The following GPR158 variants were observed in gnomAD, a reference collection of about 807,000 sequenced individuals.
GPR158 encodes G protein-coupled receptor 158.
GPR158 carries 30 observed loss-of-function variants against 78.2 expected under a neutral mutation model. That is an observed-to-expected ratio of 0.38 (90% CI 0.29 to 0.52). The LOEUF (loss-of-function observed/expected upper bound fraction) is 0.52. GPR158 is among the 20% of genes least tolerant of loss of function. The pLI is 0.83. For synonymous variants in GPR158, 581 were observed against 591.1 expected (o/e 0.98, Z 0.25); for missense variants, 1,463 against 1,523.5 (o/e 0.96, Z 0.66).
At chr10:25,492,413 C>A (rs28402734) in intron 5 of GPR158, among the ~76,000 whole-genome samples, 1 of 150,448 alleles carries the variant, frequency 6.6e-6, no homozygotes, top group Non-Finnish European at 1.5e-5. Context: ...TTTTCTTTTT[C>A]TTTTTTTTTG....
At chr10:25,544,910 A>G (rs939337654) in intron 5 of GPR158, among the ~76,000 whole-genome samples, 3 of 152,170 alleles carry the variant, frequency 2.0e-5, no homozygotes, top group Middle Eastern at 3.4e-3. Context: ...CTCTGTGTCC[A>G]TGTGTTCTCA....
intron 2 of GPR158, among the ~76,000 whole-genome samples, chr10:25,351,000 A>G (rs1855451709): frequency 1.3e-5 from 2 of 151,992 alleles, no homozygotes; most frequent in African/African-American, 4.8e-5. Flanking sequence ...TATAATAAAA[A>G]TGCAACCAAA....
chr10:25,406,763 A>G (rs1045944332), intron 3 of GPR158, among the ~76,000 whole-genome samples: 7 of 152,156 alleles, frequency 4.6e-5, no homozygotes, highest in African/African-American at 1.7e-4. Flanking sequence ...CCAGTTTACA[A>G]AACTGTATTT....
intron 2 of GPR158, among the ~76,000 whole-genome samples, chr10:25,293,377 A>T (rs1319135370): frequency 6.6e-6 from 1 of 152,218 alleles, no homozygotes; most frequent in African/African-American, 2.4e-5. Flanking sequence ...TAGGCTAAGC[A>T]TGTTTTAAAT....
intron 2 of GPR158, among the ~76,000 whole-genome samples, chr10:25,284,378 C>G (rs1410954510): frequency 6.6e-6 from 1 of 151,872 alleles, no homozygotes; most frequent in African/African-American, 2.4e-5. Context: ...TGTAATGTCT[C>G]TCTTTATGTA....
At chr10:25,410,878 A>G in intron 3 of GPR158, among the ~76,000 whole-genome samples, 1 of 152,202 alleles carries the variant, frequency 6.6e-6, no homozygotes, top group East Asian at 1.9e-4. Context: ...TGAGGAAACA[A>G]AGCAGACAAA....
intron 5 of GPR158, among the ~76,000 whole-genome samples, chr10:25,526,022 C>T (rs933958689): frequency 1.4e-5 from 2 of 144,352 alleles, no homozygotes; most frequent in East Asian, 4.2e-4. Context: ...AGGAGAGTTG[C>T]TTGAACCTGG....
intron 4 of GPR158, among the ~76,000 whole-genome samples, chr10:25,443,607 A>G (rs1430457305): frequency 6.9e-6 from 1 of 145,368 alleles, no homozygotes; most frequent in Non-Finnish European, 1.5e-5. Context: ...TCATCTCCCT[A>G]TATTACTAAG....
At chr10:25,243,628 T>C (rs1853653867) in intron 2 of GPR158, among the ~76,000 whole-genome samples, 1 of 152,214 alleles carries the variant, frequency 6.6e-6, no homozygotes, top group East Asian at 1.9e-4. Flanking sequence ...TAATATAAGT[T>C]CTCATAGCAT....
chr10:25,585,838 G>T (rs1026846495), intron 7 of GPR158, among the ~76,000 whole-genome samples: 2 of 152,094 alleles, frequency 1.3e-5, no homozygotes, highest in African/African-American at 4.8e-5. Flanking sequence ...AATTAACCAG[G>T]CATGGTGGCT....
chr10:25,414,263 T>C (rs1014880908), intron 4 of GPR158, among the ~76,000 whole-genome samples: 2 of 152,308 alleles, frequency 1.3e-5, no homozygotes, highest in Non-Finnish European at 1.5e-5. Context: ...TTGCCGGTTA[T>C]TAAACCTTGC....
chr10:25,208,604 G>C (rs899237641), intron 1 of GPR158, among the ~76,000 whole-genome samples: 70 of 132,958 alleles, frequency 5.3e-4, no homozygotes, highest in African/African-American at 1.8e-3. Context: ...GTGTGTGTGT[G>C]TATTAGAATT....
At chr10:25,474,708 C>G (rs1835557524) in intron 5 of GPR158, among the ~76,000 whole-genome samples, 1 of 152,024 alleles carries the variant, frequency 6.6e-6, no homozygotes, top group East Asian at 1.9e-4. Context: ...AGCAATTAGC[C>G]CAGTGCCTGT....
chr10:25,283,121 G>T (rs907433513), intron 2 of GPR158, among the ~76,000 whole-genome samples: 3 of 151,950 alleles, frequency 2.0e-5, no homozygotes, highest in African/African-American at 7.2e-5. Flanking sequence ...ATTCCAGAGT[G>T]AAATCATTTA....
chr10:25,323,618 C>T (rs1464563556), intron 2 of GPR158, among the ~76,000 whole-genome samples: 1 of 151,762 alleles, frequency 6.6e-6, no homozygotes, highest in African/African-American at 2.4e-5. Flanking sequence ...CCTTGATCTC[C>T]TGGGCTCAAG....
rs553994052 is a variant in GPR158, at chr10:25,600,264, T to A, written c.*990T>A. On this transcript the variant is annotated 3_prime_UTR_variant, in exon 11 of 11. Coordinates refer to ENST00000376351, the MANE Select transcript of GPR158 (RefSeq NM_020752.3). The stretch of plus-strand genomic sequence containing the variant: ...AGATAGATAACGCCTTCATTCCAAT[T>A]AATTGTCCCTTTTAACTCTTTCAGT... 3.3e-5 allele frequency: 5 copies of A among 152,710 alleles called. No homozygotes were observed. In the South Asian group the frequency reaches 1.0e-3, roughly 32 times the overall value. 9.5% of individuals were successfully genotyped at this position (152,710 alleles called of 1,614,324 possible). A position where few individuals can be genotyped will look rare whatever the true frequency, so the allele number is the denominator to read the frequency against.
intron 1 of GPR158, among the ~76,000 whole-genome samples, chr10:25,215,044 A>C (rs1045369781): frequency 1.3e-5 from 2 of 152,156 alleles, no homozygotes; most frequent in Non-Finnish European, 1.5e-5. Context: ...ATTTCTTCTA[A>C]ATTTTGTTAA....
intron 1 of GPR158, among the ~76,000 whole-genome samples, chr10:25,198,227 T>C (rs926966969): frequency 3.9e-5 from 6 of 152,336 alleles, no homozygotes; most frequent in East Asian, 1.9e-4. Flanking sequence ...ATCAAACTTA[T>C]ATTTTGCAAC....
chr10:25,476,384 G>GTTTTTTT (rs56271781), intron 5 of GPR158, among the ~76,000 whole-genome samples: 1 of 144,436 alleles, frequency 6.9e-6, no homozygotes, highest in Non-Finnish European at 1.5e-5. Context: ...TTTAATAAGG[G>GTTTTTTT]TTTTTTTTTT....
Sources: gnomAD v4.1 joint callset for allele counts (sites outside exome capture counted in the v4.1 genomes callset) on GRCh38, gnomAD v4.1.1 for gene constraint, MANE v1.5 for transcripts, NCBI Gene and HGNC (gene_info 2026-07-23, HGNC 2026-07-21) for gene names.